Variants in PAM observed in about 807,000 individuals in gnomAD.
PAM encodes the protein peptidyl-glycine alpha-amidating monooxygenase.
Under a neutral mutation model 122.1 loss-of-function variants are expected in PAM, and 72 were observed. The observed-to-expected ratio is 0.59, with a 90% CI of 0.49 to 0.72. PAM has a LOEUF of 0.72. Ranked by LOEUF, PAM falls within the 30% of genes least tolerant of loss-of-function variation. The pLI is 0.00. For missense variants in PAM, 1,106 were observed against 1,183.7 expected (o/e 0.93, Z 0.96); for synonymous variants, 389 against 404.4 (o/e 0.96, Z 0.46).
intron 5 of PAM, 39 bp downstream of exon 5, chr5:102,914,060 A>G: frequency 8.9e-7 from 1 of 1,120,106 alleles, no homozygotes; most frequent in Non-Finnish European, 1.4e-6. Context: ...GGGTGTAGAA[A>G]ATGTGTTTTA....
At chr5:102,853,423 C>T (rs1373287253) in intron 1 of PAM, among the ~76,000 whole-genome samples, 5 of 151,904 alleles carry the variant, frequency 3.3e-5, no homozygotes, top group African/African-American at 1.2e-4. Context: ...AAGTGCCTGA[C>T]GTCTGAAGAT....
At chr5:102,763,406 C>CAAT (rs1387155246) in intron 1 of PAM, among the ~76,000 whole-genome samples, 1 of 151,988 alleles carries the variant, frequency 6.6e-6, no homozygotes, top group Non-Finnish European at 1.5e-5. Context: ...CCCAGAGATC[C>CAAT]AATAATGAGC....
intron 3 of PAM, among the ~76,000 whole-genome samples, chr5:102,886,009 C>T (rs2151201783): frequency 6.6e-6 from 1 of 152,142 alleles, no homozygotes; most frequent in South Asian, 2.1e-4. Context: ...CATTTATTTT[C>T]TCACTTGCCT....
chr5:102,766,624 G>A (rs1007543655), intron 1 of PAM, among the ~76,000 whole-genome samples: 2 of 152,122 alleles, frequency 1.3e-5, no homozygotes, highest in Non-Finnish European at 2.9e-5. Flanking sequence ...AGGGGGCTGG[G>A]GACACCTGAT....
chr5:102,856,416 G>A lies in PAM; in HGVS notation c.-373-9407G>A, dbSNP rs796452864. On this transcript the variant is annotated intron_variant, in intron 1 of 25. Coordinates refer to ENST00000438793, the MANE Select transcript of PAM (RefSeq NM_001177306.2). Reference sequence around the variant, plus strand: ...TCATCTGTAGTGGTTAATGCTTTCCGCTGCAGTTCACCCATCTCTTGAGAA... The same window carrying A: ...TCATCTGTAGTGGTTAATGCTTTCCACTGCAGTTCACCCATCTCTTGAGAA... Among the ~76,000 whole-genome samples the A allele has an allele frequency of 7.2e-5, 11 of 152,246 alleles. No individual in the cohort carries two copies. The South Asian group carries it at 8.3e-4, about 11-fold the overall frequency.
intron 1 of PAM, among the ~76,000 whole-genome samples, chr5:102,827,945 C>A (rs1774171816): frequency 6.6e-6 from 1 of 152,176 alleles, no homozygotes; most frequent in African/African-American, 2.4e-5. Context: ...CACTCTTGGA[C>A]TTCATTGAGT....
chr5:102,942,408 A>G (rs1755561179), intron 7 of PAM, among the ~76,000 whole-genome samples: 1 of 152,232 alleles, frequency 6.6e-6, no homozygotes, highest in African/African-American at 2.4e-5. Flanking sequence ...ATGTATGTGT[A>G]TTATTGCAAA....
chr5:102,890,351 A>G (rs748308673), intron 3 of PAM, among the ~76,000 whole-genome samples: 24 of 151,884 alleles, frequency 1.6e-4, no homozygotes, highest in Admixed American at 3.3e-4. Flanking sequence ...TCAGCTTATT[A>G]TCTATTGCTT....
chr5:102,776,724 C>T (rs1757269946), intron 1 of PAM, among the ~76,000 whole-genome samples: 1 of 152,056 alleles, frequency 6.6e-6, no homozygotes, highest in Non-Finnish European at 1.5e-5. Flanking sequence ...TAAGTTTCTT[C>T]ACATTGTTCT....
chr5:102,932,419 C>A (rs1465139895), intron 7 of PAM, among the ~76,000 whole-genome samples: 2 of 151,764 alleles, frequency 1.3e-5, no homozygotes, highest in African/African-American at 2.4e-5. Context: ...ACCCGGGAGG[C>A]AGAGGTTGCA....
rs922222832 is a variant in PAM at position 102,896,702 on chromosome 5, G to A, written c.211-4654G>A. Among the ~76,000 whole-genome samples, 16 of 151,570 alleles carry A rather than the reference G, an allele frequency of 1.1e-4. 1 individual carries two copies. The highest frequency in any genetic ancestry group is 3.9e-4 in the African/African-American group (16 of 41,344). On this transcript the variant is annotated intron_variant, in intron 3 of 25. Transcript: ENST00000438793. Reference sequence around the variant, plus strand: ...TTTCTTCCACAGCCTAAGAAATATGGTAACATCTTTAAAAAATTAAATGGT... The same window carrying A: ...TTTCTTCCACAGCCTAAGAAATATGATAACATCTTTAAAAAATTAAATGGT...
chr5:102,785,387 G>C (rs942639598), intron 1 of PAM, among the ~76,000 whole-genome samples: 18 of 152,194 alleles, frequency 1.2e-4, no homozygotes, highest in Admixed American at 1.2e-3. Flanking sequence ...GTACTTTTGT[G>C]TTTTACAAAA....
At chr5:102,838,344 AGTTT>A (rs1464158454) in intron 1 of PAM, 3 of 152,116 alleles carry the variant, frequency 2.0e-5, no homozygotes, top group Non-Finnish European at 4.4e-5. Flanking sequence ...CCAATGCCCA[AGTTT>A]GTTTGTTGTG....
intron 3 of PAM, among the ~76,000 whole-genome samples, chr5:102,869,649 G>A (rs1786736139): frequency 6.6e-6 from 1 of 152,150 alleles, no homozygotes; most frequent in South Asian, 2.1e-4. Context: ...AAACTTTTAT[G>A]AGAAATGGTA....
chr5:102,927,096 T>G (rs1443768018), intron 7 of PAM, among the ~76,000 whole-genome samples: 1 of 151,828 alleles, frequency 6.6e-6, no homozygotes, highest in South Asian at 2.1e-4. Flanking sequence ...CTCAGGCTCA[T>G]GTCGATTCCT....
intron 7 of PAM, among the ~76,000 whole-genome samples, chr5:102,929,185 T>A (rs1750592381): frequency 6.6e-6 from 1 of 152,184 alleles, no homozygotes; most frequent in Non-Finnish European, 1.5e-5. Flanking sequence ...TACCTTCCAG[T>A]TAGTGTACTG....
At chr5:102,932,603 A>AC (rs1249697327) in intron 7 of PAM, among the ~76,000 whole-genome samples, 1 of 149,156 alleles carries the variant, frequency 6.7e-6, no homozygotes, top group African/African-American at 2.4e-5. Flanking sequence ...ATATATCTGC[A>AC]CTCCAGCCTG....
At chr5:103,028,710 A>C (rs1323744754) in intron 25 of PAM, among the ~76,000 whole-genome samples, 177 bp from the exon 26 acceptor site, 1 of 152,176 alleles carries the variant, frequency 6.6e-6, no homozygotes, top group Non-Finnish European at 1.5e-5. Context: ...CTTCTTTAAT[A>C]GTAGCATCTA....
intron 22 of PAM, among the ~76,000 whole-genome samples, chr5:103,019,213 G>T (rs1009095796): frequency 1.3e-5 from 2 of 152,190 alleles, no homozygotes; most frequent in Non-Finnish European, 2.9e-5. Context: ...ATAATATTAT[G>T]TGTATTTTAG....
Sources: gnomAD v4.1 joint callset for allele counts (sites outside exome capture counted in the v4.1 genomes callset) on GRCh38, gnomAD v4.1.1 for gene constraint, MANE v1.5 for transcripts, NCBI Gene and HGNC (gene_info 2026-07-23, HGNC 2026-07-21) for gene names.